The following ZNF277 variants were observed in gnomAD, a reference collection of about 807,000 sequenced individuals.
ZNF277 encodes the protein zinc finger protein 277.
In ZNF277, 55 loss-of-function variants were observed where a neutral mutation model predicts 60.7. The ratio of observed to expected loss-of-function variants is 0.91; its 90% CI spans 0.73 to 1.13. The LOEUF is 1.13. ZNF277 is among the 50% of genes most tolerant of loss of function. The pLI, the probability that ZNF277 is intolerant of heterozygous loss-of-function variation, is 0.00. For synonymous variants in ZNF277, 178 were observed against 179.3 expected, an observed-to-expected ratio of 0.99 and a Z score of 0.06; for missense variants, 510 against 523.0, an observed-to-expected ratio of 0.98 and a Z score of 0.24.
chr7:112,337,583 T>A (rs1202130350), intron 8 of ZNF277, 147 bp from the exon 9 acceptor site: 1 of 539,550 alleles, frequency 1.9e-6, no homozygotes, highest in African/African-American at 1.9e-5. Context: ...AGAGTCATAA[T>A]ATGATGTGAC....
intron 4 of ZNF277, among the ~76,000 whole-genome samples, chr7:112,306,212 C>CTT (rs555931160): frequency 8.5e-4 from 99 of 116,890 alleles, no homozygotes; most frequent in African/African-American, 1.9e-3. Flanking sequence ...TCTGAATGTT[C>CTT]TTTTTTTTTT....
At chr7:112,266,813 A>C (rs1237348718) in intron 1 of ZNF277, among the ~76,000 whole-genome samples, 1 of 152,144 alleles carries the variant, frequency 6.6e-6, no homozygotes, top group African/African-American at 2.4e-5. Flanking sequence ...TGGGCTATTT[A>C]TAGTTCTGGG....
At chr7:112,296,365 T>A in intron 4 of ZNF277, 54 bp downstream of exon 4, 3 of 809,732 alleles carry the variant, frequency 3.7e-6, no homozygotes, top group African/African-American at 1.9e-5. Flanking sequence ...TATAAATACA[T>A]ATAAAATCAT....
intron 4 of ZNF277, among the ~76,000 whole-genome samples, chr7:112,298,177 A>G (rs1359216705): frequency 6.6e-6 from 1 of 152,188 alleles, no homozygotes; most frequent in African/African-American, 2.4e-5. Flanking sequence ...AAAGATAAAT[A>G]TGTATTCTTA....
rs186400126 is a variant in ZNF277, at chr7:112,224,898, T to C, written c.91+18091T>C. Among the ~76,000 whole-genome samples, 1,089 of 152,162 alleles carry C rather than the reference T, an allele frequency of 7.2e-3. 6 individuals carry two copies. The highest frequency in any genetic ancestry group is 0.014 in the Middle Eastern group (4 of 294). On this transcript the variant is annotated intron_variant, in intron 1 of 11. Transcript: ENST00000361822. ...TGGCTCACACCTGCAATCCCAGTAT[T>C]TTGGGAGGCCAAGGCAGGAGGAATG...
At chr7:112,208,439 T>A (rs2116939494) in intron 1 of ZNF277, among the ~76,000 whole-genome samples, 1 of 152,156 alleles carries the variant, frequency 6.6e-6, no homozygotes, top group Admixed American at 6.5e-5. Context: ...TATTTATTTT[T>A]AAATTTTACA....
At chr7:112,341,292 A>T (rs28654705) in intron 11 of ZNF277, among the ~76,000 whole-genome samples, 6,655 of 152,252 alleles carry the variant, frequency 0.044, 341 homozygotes, top group African/African-American at 0.13. Context: ...ATATGTAGAG[A>T]GATGAAGTAG....
intron 4 of ZNF277, among the ~76,000 whole-genome samples, chr7:112,311,015 G>T (rs991573914): frequency 6.6e-6 from 1 of 152,020 alleles, no homozygotes; most frequent in Admixed American, 6.6e-5. Flanking sequence ...ATTTCCATTG[G>T]ATTTGTCCCT....
At chr7:112,277,346 T>G (rs1444467511) in intron 1 of ZNF277, among the ~76,000 whole-genome samples, 1 of 152,142 alleles carries the variant, frequency 6.6e-6, no homozygotes, top group Non-Finnish European at 1.5e-5. Flanking sequence ...CCTTCCAAAG[T>G]GCTGGGATTA....
At chr7:112,233,756 A>G (rs972705848) in intron 1 of ZNF277, among the ~76,000 whole-genome samples, 1 of 152,218 alleles carries the variant, frequency 6.6e-6, no homozygotes. Flanking sequence ...ATATTAAATC[A>G]CAGGTTCCAA....
At chr7:112,242,094 A>T (rs1264059329) in intron 1 of ZNF277, among the ~76,000 whole-genome samples, 1 of 152,084 alleles carries the variant, frequency 6.6e-6, no homozygotes, top group African/African-American at 2.4e-5. Flanking sequence ...GCCTGTGTCA[A>T]AATATCTTAT....
intron 1 of ZNF277, among the ~76,000 whole-genome samples, chr7:112,231,420 G>A (rs545109390): frequency 2.0e-5 from 3 of 152,264 alleles, no homozygotes; most frequent in African/African-American, 7.2e-5. Context: ...CTGTGCAACT[G>A]ATAAATCCAA....
intron 1 of ZNF277, among the ~76,000 whole-genome samples, chr7:112,223,645 G>A (rs1001176331): frequency 1.3e-5 from 2 of 152,162 alleles, no homozygotes; most frequent in African/African-American, 4.8e-5. Flanking sequence ...TGGGGTTTTA[G>A]AAACTCCTGC....
At chr7:112,315,410 C>T (rs1424916611) in intron 4 of ZNF277, among the ~76,000 whole-genome samples, 1 of 151,746 alleles carries the variant, frequency 6.6e-6, no homozygotes, top group South Asian at 2.1e-4. Context: ...TAGAAGTAGA[C>T]CCACTAACAG....
At chr7:112,282,919 G>T (rs889353346) in intron 1 of ZNF277, among the ~76,000 whole-genome samples, 8 of 152,176 alleles carry the variant, frequency 5.3e-5, no homozygotes, top group Non-Finnish European at 8.8e-5. Flanking sequence ...CCTTCATAGG[G>T]TTATTGTGAG....
chr7:112,313,743 G>T lies in ZNF277; in HGVS notation c.466-4439G>T, dbSNP rs182228489. On this transcript the variant is annotated intron_variant, in intron 4 of 11. Transcript: ENST00000361822. ...AACAAATTATCAACTTACTGTCACT[G>T]TGGGAAGCTCTTCATTTTACTTTAT... 7.9e-5 allele frequency among the ~76,000 whole-genome samples: 12 copies of T among 152,220 alleles called. No individual in the cohort carries two copies. The East Asian group carries it at 2.3e-3, about 29-fold the overall frequency.
rs1265863694 is a variant in ZNF277, at chr7:112,239,871, A to G, written c.91+33064A>G. On this transcript the variant is annotated intron_variant, in intron 1 of 11. Transcript: ENST00000361822. ...GATGAACCAATCAAAAATAAGTACTACAACCACTTTTAAGACATAGACAGA... is the reference window on the plus strand; with the variant it reads ...GATGAACCAATCAAAAATAAGTACTGCAACCACTTTTAAGACATAGACAGA... Among the ~76,000 whole-genome samples, 3 of 152,230 alleles carry G rather than the reference A, an allele frequency of 2.0e-5. No homozygotes were observed. In the East Asian group the frequency reaches 5.8e-4, roughly 29 times the overall value.
intron 4 of ZNF277, among the ~76,000 whole-genome samples, chr7:112,302,893 T>A (rs554380426): frequency 3.9e-4 from 59 of 151,926 alleles, no homozygotes; most frequent in African/African-American, 1.4e-3. Context: ...CCATTCTCTT[T>A]CTAATTGCAC....
chr7:112,296,908 ATTTATTTTTTT>A (rs1792356860), intron 4 of ZNF277, among the ~76,000 whole-genome samples: 1 of 37,186 alleles, frequency 2.7e-5, no homozygotes, highest in Non-Finnish European at 4.7e-5. Context: ...TTATTTATTT[ATTTATTTTTTT>A]TTTTTTTTTT....
Sources: allele counts gnomAD v4.1 joint callset (sites outside exome capture counted in the v4.1 genomes callset), GRCh38; gene constraint gnomAD v4.1.1; transcripts MANE v1.5; gene names NCBI Gene and HGNC (gene_info 2026-07-23, HGNC 2026-07-21).